UGT2A1: variants seen among roughly 807,000 people sequenced by gnomAD.
UGT2A1 encodes UDP glucuronosyltransferase family 2 member A1 complex locus, also known as UDP-glucuronosyltransferase 2A1.
Under a neutral mutation model 45.4 loss-of-function variants are expected in UGT2A1, and 61 were observed. The observed-to-expected ratio is 1.34, with a 90% CI of 1.09 to 1.66. The LOEUF (loss-of-function observed/expected upper bound fraction) is 1.66. Among genes scored for constraint, UGT2A1 ranks in the 40% most tolerant of loss-of-function variants. UGT2A1 has a pLI of 0.00. For missense variants in UGT2A1, 649 were observed against 574.3 expected (o/e 1.13, Z -1.33); for synonymous variants, 229 against 196.2 (o/e 1.17, Z -1.40).
At chr4:69,599,961 G>A (rs1157718299) in intron 3 of UGT2A1, among the ~76,000 whole-genome samples, 1 of 152,162 alleles carries the variant, frequency 6.6e-6, no homozygotes, top group Non-Finnish European at 1.5e-5. Context: ...GGCATTGCTA[G>A]CATGCCTCTC....
chr4:69,652,343 G>C (rs1230749812), intron 1 of UGT2A1, among the ~76,000 whole-genome samples: 1 of 143,102 alleles, frequency 7.0e-6, no homozygotes, highest in South Asian at 2.2e-4. Flanking sequence ...GAGTGCAAGG[G>C]CATAATCTCG....
chr4:69,597,321 G>C (rs1019401987), intron 4 of UGT2A1, among the ~76,000 whole-genome samples: 2 of 152,144 alleles, frequency 1.3e-5, no homozygotes, highest in African/African-American at 4.8e-5. Context: ...GCTGCCATGA[G>C]TGTGATGTTA....
intron 3 of UGT2A1, among the ~76,000 whole-genome samples, chr4:69,623,959 A>C (rs904007167): frequency 2.0e-5 from 3 of 151,708 alleles, no homozygotes; most frequent in African/African-American, 4.8e-5. Flanking sequence ...AGCATCTTAT[A>C]GATTGTGAAA....
chr4:69,609,615 A>T (rs892303676), intron 3 of UGT2A1, among the ~76,000 whole-genome samples: 1 of 152,208 alleles, frequency 6.6e-6, no homozygotes, highest in Non-Finnish European at 1.5e-5. Context: ...TACTCGTGAA[A>T]GTATAAACTA....
intron 3 of UGT2A1, among the ~76,000 whole-genome samples, chr4:69,605,949 A>C (rs1719583656): frequency 7.3e-6 from 1 of 136,866 alleles, no homozygotes; most frequent in Non-Finnish European, 1.6e-5. Context: ...GCAACCAAAA[A>C]AAGTCCAGGA....
chr4:69,594,024 G>C (rs1262761477), intron 6 of UGT2A1, among the ~76,000 whole-genome samples: 2 of 141,694 alleles, frequency 1.4e-5, no homozygotes, highest in South Asian at 4.5e-4. Flanking sequence ...GCCCAGGCTG[G>C]AGTGCAGTGG....
intron 3 of UGT2A1, among the ~76,000 whole-genome samples, chr4:69,627,066 A>G (rs889040232): frequency 2.6e-5 from 4 of 151,896 alleles, no homozygotes; most frequent in Non-Finnish European, 5.9e-5. Context: ...AGGTATATTC[A>G]TTGTTACTGG....
intron 4 of UGT2A1, among the ~76,000 whole-genome samples, chr4:69,598,414 G>T (rs2109887946): frequency 6.6e-6 from 1 of 152,024 alleles, no homozygotes; most frequent in East Asian, 1.9e-4. Flanking sequence ...CACTTTTTCT[G>T]TATAACATTT....
chr4:69,641,843 A>C (rs1476651228), intron 2 of UGT2A1, among the ~76,000 whole-genome samples: 1 of 151,800 alleles, frequency 6.6e-6, no homozygotes, highest in African/African-American at 2.4e-5. Context: ...AATGATTCAG[A>C]ACAGCACCTG....
chr4:69,590,677 C>A lies in UGT2A1; in HGVS notation c.1305-1026G>T, dbSNP rs150794962. On this transcript the variant is annotated intron_variant, in intron 6 of 6. Transcript: ENST00000286604. The stretch of plus-strand genomic sequence containing the variant: ...TGTGTGTGTTTGTGTGTCTGTCTGT[C>A]TAGTGAAAAAGAATATAAGTAAGTA... Among the ~76,000 whole-genome samples, 994 of 151,474 alleles carry A rather than the reference C, an allele frequency of 6.6e-3. 16 individuals carry two copies. The highest frequency in any genetic ancestry group is 0.021 in the African/African-American group (871 of 41,306).
chr4:69,610,596 T>G (rs1719977446), intron 3 of UGT2A1, among the ~76,000 whole-genome samples: 1 of 152,212 alleles, frequency 6.6e-6, no homozygotes, highest in African/African-American at 2.4e-5. Context: ...GAAGCCTGAC[T>G]GTATTTGAAG....
intron 2 of UGT2A1, among the ~76,000 whole-genome samples, chr4:69,644,465 CAG>C (rs1722168306): frequency 6.6e-6 from 1 of 151,808 alleles, no homozygotes; most frequent in Admixed American, 6.6e-5. Flanking sequence ...TGCACATATT[CAG>C]AGTCCCTTTT....
At chr4:69,652,476 G>T (rs1335621749) in intron 1 of UGT2A1, among the ~76,000 whole-genome samples, 2 of 151,654 alleles carry the variant, frequency 1.3e-5, no homozygotes, top group African/African-American at 2.4e-5. Context: ...TAGAGACGGG[G>T]TTTCACCTGG....
intron 6 of UGT2A1, among the ~76,000 whole-genome samples, chr4:69,590,060 A>G (rs1320999459): frequency 6.6e-6 from 1 of 152,186 alleles, no homozygotes; most frequent in Non-Finnish European, 1.5e-5. Context: ...GCTAGTTCAT[A>G]TGACAGACAA....
intron 2 of UGT2A1, among the ~76,000 whole-genome samples, chr4:69,637,838 C>CT (rs898992750): frequency 3.3e-5 from 5 of 150,126 alleles, no homozygotes; most frequent in East Asian, 2.0e-4. Flanking sequence ...TCAACAAATA[C>CT]TTTTTTTTAC....
intron 3 of UGT2A1, among the ~76,000 whole-genome samples, chr4:69,610,602 T>G (rs1352915058): frequency 1.3e-5 from 2 of 152,320 alleles, no homozygotes; most frequent in Non-Finnish European, 2.9e-5. Context: ...TGACTGTATT[T>G]GAAGATAAGG....
rs543243088 is a variant in UGT2A1 at position 69,634,843 on chromosome 4, G to A, written c.847+848C>T. On this transcript the variant is annotated intron_variant, in intron 3 of 6. Transcript: ENST00000286604. ...GGTAAACAATGCATGATTTTCCACTGACATCTAGAATGAGACAAAATGCCC... is the reference window on the plus strand; with the variant it reads ...GGTAAACAATGCATGATTTTCCACTAACATCTAGAATGAGACAAAATGCCC... Among the ~76,000 whole-genome samples, 5 of 152,230 alleles carry A rather than the reference G, an allele frequency of 3.3e-5. No individual in the cohort carries two copies. The East Asian group carries it at 9.7e-4, about 29-fold the overall frequency.
intron 3 of UGT2A1, among the ~76,000 whole-genome samples, chr4:69,629,700 A>G (rs1721283071): frequency 6.6e-6 from 1 of 152,066 alleles, no homozygotes; most frequent in South Asian, 2.1e-4. Context: ...CTACTGGAAG[A>G]GGACCCCTGC....
In UGT2A1 at chr4:69,647,134, A is replaced by G. The variant is rs1264253578; in HGVS notation, c.511T>C (p.Leu171=). Residue 171 remains leucine, a synonymous_variant, in exon 2 of 7, where the codon TTG becomes CTG. Coordinates refer to ENST00000286604, the MANE Select transcript of UGT2A1 (RefSeq NM_001252275.3). ...LKLGIPFMYS[L]RFSPASTVEK... ...ACTGTTGAGGCTGGAGAAAACCTCAAGGAGTACATAAATGGAATTCCAAGT... is the reference window on the plus strand; with the variant it reads ...ACTGTTGAGGCTGGAGAAAACCTCAGGGAGTACATAAATGGAATTCCAAGT... The G allele has an allele frequency of 1.2e-6, 2 of 1,612,922 alleles. No individual in the cohort carries two copies. Among genetic ancestry groups the G allele is most frequent in the Non-Finnish European group, 1.7e-6 (2 of 1,179,384 alleles).
Sources: allele counts gnomAD v4.1 joint callset (sites outside exome capture counted in the v4.1 genomes callset), GRCh38; gene constraint gnomAD v4.1.1; transcripts MANE v1.5; gene names NCBI Gene and HGNC (gene_info 2026-07-23, HGNC 2026-07-21).